The following DMD variants were observed in gnomAD, a reference collection of about 807,000 sequenced individuals.
DMD encodes the protein dystrophin.
Under a neutral mutation model 330.1 loss-of-function variants are expected in DMD, and 63 were observed. The ratio of observed to expected loss-of-function variants is 0.19; its 90% confidence interval spans 0.16 to 0.24. The LOEUF is 0.24. Ranked by LOEUF, DMD falls within the 10% of genes least tolerant of loss-of-function variation. The pLI is 1.00. For missense variants in DMD, 3,344 were observed against 2,684.1 expected (o/e 1.25, Z -5.43); for synonymous variants, 1,223 against 959.8 (o/e 1.27, Z -5.07).
chrX:31,283,202 T>C (rs746265899), intron 62 of DMD, among the ~76,000 whole-genome samples: 1 of 111,853 alleles, frequency 8.9e-6, no homozygotes, highest in African/African-American at 3.2e-5. Context: ...ATCTTAAAAA[T>C]TAACATGCTA....
At chrX:31,213,528 A>C (rs1287617862) in intron 64 of DMD, among the ~76,000 whole-genome samples, 1 of 111,999 alleles carries the variant, frequency 8.9e-6, no homozygotes, top group African/African-American at 3.2e-5. Flanking sequence ...GTTCCAAGAG[A>C]GAAAATGCAT....
intron 44 of DMD, among the ~76,000 whole-genome samples, chrX:32,168,208 G>A (rs953594403): frequency 9.0e-6 from 1 of 111,220 alleles, no homozygotes; most frequent in Admixed American, 9.6e-5. Context: ...TAGCCCATCG[G>A]CCCATTCCTG....
In DMD at chrX:32,528,734, C is replaced by A. The variant is rs751832429; in HGVS notation, c.2169-10603G>T. On this transcript the variant is annotated intron_variant, in intron 17 of 78. Transcript: ENST00000357033. ...TAAAAGCTTCATCTACATGATAAAACTTTGGTATCCACAATGTCTTATCTC... is the reference window on the plus strand; with the variant it reads ...TAAAAGCTTCATCTACATGATAAAAATTTGGTATCCACAATGTCTTATCTC... Among the ~76,000 whole-genome samples the A allele has an allele frequency of 1.1e-3, 121 of 110,500 alleles. 1 individual carries two copies. Among genetic ancestry groups the A allele is most frequent in the Middle Eastern group, 9.3e-3 (2 of 215 alleles).
rs777955346 is a variant in DMD, at chrX:32,529,379, C to CTTTT, written c.2169-11252_2169-11249dup. Among the ~76,000 whole-genome samples the CTTTT allele has an allele frequency of 2.3e-4, 7 of 31,036 alleles. 1 individual carries two copies. Among genetic ancestry groups the CTTTT allele is most frequent in the African/African-American group, 8.7e-4 (6 of 6,915 alleles). 27.0% of individuals were successfully genotyped at this position (31,036 alleles called of 115,157 possible). ...CGAATTCCACCTTGGCAAAAATCAA[C>CTTTT]TTTTTTTTTTTTTTTTTTTTTTTTT... On this transcript the variant is annotated intron_variant, in intron 17 of 78. Transcript: ENST00000357033.
At chrX:32,090,596 G>A (rs1481627989) in intron 44 of DMD, among the ~76,000 whole-genome samples, 1 of 111,684 alleles carries the variant, frequency 9.0e-6, no homozygotes, top group Non-Finnish European at 1.9e-5. Context: ...CATTGCTTCT[G>A]ATCATGAAGT....
rs965777481 is a variant in DMD at position 31,434,392 on chromosome X, C to G, written c.9084+10089G>C. ...AGGGTGTCCTGATTGCCCTTTCCTG[C>G]CTCTCACCCTTACTGCAGCGCGCGC... On this transcript the variant is annotated intron_variant, in intron 60 of 78. Coordinates refer to ENST00000357033, the MANE Select transcript of DMD (RefSeq NM_004006.3). Among the ~76,000 whole-genome samples the G allele has an allele frequency of 3.0e-5, 3 of 99,908 alleles. No homozygotes were observed. In the Admixed American group the frequency reaches 3.4e-4, roughly 11 times the overall value. 86.8% of individuals were successfully genotyped at this position (99,908 alleles called of 115,157 possible). A position where few individuals can be genotyped will look rare whatever the true frequency, so the allele number is the denominator to read the frequency against.
At chrX:32,465,760 G>C (rs1366897969) in intron 23 of DMD, among the ~76,000 whole-genome samples, 1 of 108,903 alleles carries the variant, frequency 9.2e-6, no homozygotes, top group Non-Finnish European at 1.9e-5. Context: ...TAATTTTTGT[G>C]TTTTTAGTAG....
At chrX:31,583,828 T>C (rs1290199123) in intron 55 of DMD, among the ~76,000 whole-genome samples, 1 of 108,371 alleles carries the variant, frequency 9.2e-6, no homozygotes, top group Non-Finnish European at 1.9e-5. Context: ...TACATATGTA[T>C]ACATGTGCCA....
At chrX:32,470,615 A>T (rs947957149) in intron 22 of DMD, among the ~76,000 whole-genome samples, 6 of 111,400 alleles carry the variant, frequency 5.4e-5, no homozygotes, top group African/African-American at 2.0e-4. Context: ...TATGTTTAAA[A>T]GTTTACTAGT....
intron 30 of DMD, among the ~76,000 whole-genome samples, chrX:32,393,905 G>A (rs887514053): frequency 3.6e-5 from 4 of 111,359 alleles, no homozygotes; most frequent in African/African-American, 1.3e-4. Flanking sequence ...ACATGAGCTC[G>A]TCAATGACCA....
chrX:32,054,884 G>GAA (rs2096155631), intron 44 of DMD, among the ~76,000 whole-genome samples: 3 of 91,847 alleles, frequency 3.3e-5, no homozygotes, highest in Non-Finnish European at 6.5e-5. Context: ...GGAGGGGAGG[G>GAA]GAGGGGAGGG....
At chrX:31,350,251 G>A (rs376237421) in intron 60 of DMD, among the ~76,000 whole-genome samples, 4 of 110,721 alleles carry the variant, frequency 3.6e-5, no homozygotes, top group African/African-American at 9.9e-5. Context: ...TCCTTCTCTC[G>A]GCAATGCTCT....
intron 61 of DMD, among the ~76,000 whole-genome samples, chrX:31,330,304 C>T (rs979859857): frequency 1.8e-5 from 2 of 110,678 alleles, no homozygotes; most frequent in Admixed American, 9.7e-5. Context: ...AGTAGAACTG[C>T]TGTCAAAGAA....
chrX:33,109,911 C>A (rs1037143544), intron 1 of DMD, among the ~76,000 whole-genome samples: 1 of 109,102 alleles, frequency 9.2e-6, no homozygotes, highest in African/African-American at 3.3e-5. Context: ...CAATCTTGCA[C>A]ATTGACAAAT....
At chrX:32,130,040 C>T (rs892159521) in intron 44 of DMD, among the ~76,000 whole-genome samples, 27 of 107,267 alleles carry the variant, frequency 2.5e-4, no homozygotes, top group South Asian at 1.7e-3. Context: ...TTTTTTCCCC[C>T]TTACGCTTTA....
At chrX:32,756,354 A>G (rs2071502956) in intron 7 of DMD, 1 of 112,007 alleles carries the variant, frequency 8.9e-6, no homozygotes, top group Non-Finnish European at 1.9e-5. Flanking sequence ...TGCTTCTACA[A>G]TGACAAAGTA....
chrX:33,141,511 A>G (rs758114978), intron 1 of DMD, among the ~76,000 whole-genome samples: 6 of 111,796 alleles, frequency 5.4e-5, no homozygotes, highest in Non-Finnish European at 7.5e-5. Flanking sequence ...GCAAAAAAGT[A>G]CTATAAATAT....
rs182232901 is a variant in DMD at position 32,750,130 on chromosome X, G to A, written c.650-50837C>T. ...ATTGACTTGTGATTTACAACATTAA[G>A]AATAAACAGAGATTTTTCCCTAACG... is the stretch of plus-strand genomic sequence containing the variant. On this transcript the variant is annotated intron_variant, in intron 7 of 78. Coordinates refer to ENST00000357033, the MANE Select transcript of DMD (RefSeq NM_004006.3). Among the ~76,000 whole-genome samples the A allele has an allele frequency of 1.7e-3, 185 of 111,972 alleles. 2 individuals are homozygous for A. The highest frequency in any genetic ancestry group is 1.3e-3 in the Non-Finnish European group (67 of 53,202).
chrX:33,144,229 C>T (rs1426281485), intron 1 of DMD, among the ~76,000 whole-genome samples: 1 of 110,729 alleles, frequency 9.0e-6, no homozygotes, highest in Non-Finnish European at 1.9e-5. Flanking sequence ...AAAAATTGAT[C>T]TCATGGAGGT....
Sources: gnomAD v4.1 joint callset for allele counts (sites outside exome capture counted in the v4.1 genomes callset) on GRCh38, gnomAD v4.1.1 for gene constraint, MANE v1.5 for transcripts, NCBI Gene and HGNC (gene_info 2026-07-23, HGNC 2026-07-21) for gene names.